Variants in MACROD2 observed in about 807,000 individuals in gnomAD.
MACROD2 encodes ADP-ribose glycohydrolase MACROD2.
A neutral mutation model predicts 70.4 loss-of-function variants in MACROD2; 36 were observed. That is an observed-to-expected ratio of 0.51 (90% CI 0.39 to 0.68). The LOEUF (loss-of-function observed/expected upper bound fraction) is 0.68, where lower values mean the gene tolerates loss of function less well. Among genes scored for constraint, MACROD2 ranks in the 30% least tolerant of loss-of-function variants. MACROD2 has a pLI of 0.00. For missense variants in MACROD2, 496 were observed against 538.4 expected, an observed-to-expected ratio of 0.92 and a Z score of 0.78; for synonymous variants, 172 against 178.8, an observed-to-expected ratio of 0.96 and a Z score of 0.30.
intron 8 of MACROD2, among the ~76,000 whole-genome samples, chr20:15,573,452 G>A (rs2048402305): frequency 6.6e-6 from 1 of 152,082 alleles, no homozygotes; most frequent in Non-Finnish European, 1.5e-5. Flanking sequence ...AATCAGCAAA[G>A]GTTTTTCTCT....
At chr20:14,336,111 A>G (rs2082931750) in intron 3 of MACROD2, among the ~76,000 whole-genome samples, 1 of 152,142 alleles carries the variant, frequency 6.6e-6, no homozygotes, top group Non-Finnish European at 1.5e-5. Flanking sequence ...CTTTATGTTT[A>G]GGCTGGTCAG....
At chr20:15,367,080 T>A (rs13037438) in intron 6 of MACROD2, among the ~76,000 whole-genome samples, 7,201 of 150,622 alleles carry the variant, frequency 0.048, 252 homozygotes, top group East Asian at 0.16. Context: ...CAGGCTGGAG[T>A]GCAGTGGCAT....
chr20:14,260,114 A>G (rs1432448784), intron 3 of MACROD2, among the ~76,000 whole-genome samples: 1 of 152,204 alleles, frequency 6.6e-6, no homozygotes, highest in Non-Finnish European at 1.5e-5. Context: ...AAACATGGAT[A>G]TTAGTAGAAA....
chr20:15,288,851 A>G (rs1320980631), intron 6 of MACROD2, among the ~76,000 whole-genome samples: 2 of 138,392 alleles, frequency 1.4e-5, no homozygotes, highest in Non-Finnish European at 3.1e-5. Flanking sequence ...CTGTCTCTCT[A>G]TATGTCTGTC....
In MACROD2 at chr20:15,494,008, T is replaced by C. The variant is rs567773253; in HGVS notation, c.572-5766T>C. 1.2e-3 allele frequency among the ~76,000 whole-genome samples: 185 copies of C among 152,358 alleles called. 1 individual carries two copies. Among genetic ancestry groups the C allele is most frequent in the African/African-American group, 4.2e-3 (174 of 41,600 alleles). The stretch of plus-strand genomic sequence containing the variant: ...CTTGATGGTCTGCTGACAGAATTGG[T>C]CCTTTCTTGGCTTAGGAACATCACT... On this transcript the variant is annotated intron_variant, in intron 7 of 17. Transcript: ENST00000684519.
intron 4 of MACROD2, among the ~76,000 whole-genome samples, chr20:14,628,236 A>G (rs1984298511): frequency 1.3e-5 from 2 of 152,196 alleles, no homozygotes; most frequent in Admixed American, 1.3e-4. Flanking sequence ...GAGTAACTTC[A>G]GGCAGGGGAG....
At chr20:15,796,946 A>T (rs2063679199) in intron 8 of MACROD2, among the ~76,000 whole-genome samples, 1 of 152,246 alleles carries the variant, frequency 6.6e-6, no homozygotes, top group South Asian at 2.1e-4. Flanking sequence ...AGTGTGTTTG[A>T]CTGCAATTAA....
chr20:14,471,127 C>T (rs2084525641), intron 3 of MACROD2, among the ~76,000 whole-genome samples: 2 of 152,158 alleles, frequency 1.3e-5, no homozygotes, highest in African/African-American at 4.8e-5. Flanking sequence ...GGCGGGAATG[C>T]ACTGTCCCTC....
intron 8 of MACROD2, among the ~76,000 whole-genome samples, chr20:15,818,052 C>T (rs1000947186): frequency 1.3e-5 from 2 of 152,166 alleles, no homozygotes; most frequent in African/African-American, 4.8e-5. Flanking sequence ...CAGGACTCAG[C>T]TTACATGTTT....
At chr20:15,526,679 T>G (rs1358423303) in intron 8 of MACROD2, among the ~76,000 whole-genome samples, 1 of 152,204 alleles carries the variant, frequency 6.6e-6, no homozygotes, top group Non-Finnish European at 1.5e-5. Context: ...CTAACTTGAT[T>G]TAGCCAGCAA....
At chr20:15,667,994 G>A (rs190788340) in intron 8 of MACROD2, among the ~76,000 whole-genome samples, 5 of 150,238 alleles carry the variant, frequency 3.3e-5, no homozygotes, top group East Asian at 4.0e-4. Flanking sequence ...GGCTCACACC[G>A]TGAGTGTGTA....
At chr20:14,133,710 T>C (rs77368786) in intron 3 of MACROD2, among the ~76,000 whole-genome samples, 1 of 152,214 alleles carries the variant, frequency 6.6e-6, no homozygotes, top group Non-Finnish European at 1.5e-5. Flanking sequence ...TTTGGCATGG[T>C]TTAAGGTCTT....
At chr20:15,307,522 A>G (rs1312755817) in intron 6 of MACROD2, among the ~76,000 whole-genome samples, 1 of 152,204 alleles carries the variant, frequency 6.6e-6, no homozygotes, top group Admixed American at 6.5e-5. Flanking sequence ...TGAGTTTAGT[A>G]AATGTCATTA....
chr20:15,285,071 T>G (rs2077478694), intron 6 of MACROD2, among the ~76,000 whole-genome samples: 1 of 151,992 alleles, frequency 6.6e-6, no homozygotes, highest in Non-Finnish European at 1.5e-5. Flanking sequence ...TTACAAAACT[T>G]GGAAATAGGT....
At chr20:15,819,768 A>C (rs1260383490) in intron 8 of MACROD2, among the ~76,000 whole-genome samples, 2 of 152,058 alleles carry the variant, frequency 1.3e-5, no homozygotes, top group African/African-American at 4.8e-5. Flanking sequence ...GGTTGGGAAG[A>C]GGGGGAGGAA....
At chr20:15,505,790 C>T (rs753510607) in intron 8 of MACROD2, among the ~76,000 whole-genome samples, 11 of 152,184 alleles carry the variant, frequency 7.2e-5, no homozygotes, top group Admixed American at 5.9e-4. Context: ...ATTTTCAAAA[C>T]CCAAATGGGT....
intron 3 of MACROD2, among the ~76,000 whole-genome samples, chr20:14,436,890 T>C (rs2084062283): frequency 1.3e-5 from 2 of 152,248 alleles, no homozygotes; most frequent in African/African-American, 4.8e-5. Context: ...TAACTCTTAG[T>C]AAGCACTCTG....
intron 2 of MACROD2, among the ~76,000 whole-genome samples, chr20:14,006,074 A>T (rs2052815000): frequency 6.6e-6 from 1 of 152,234 alleles, no homozygotes; most frequent in Non-Finnish European, 1.5e-5. Flanking sequence ...GTTTAAATAC[A>T]CAATGACTTA....
intron 5 of MACROD2, among the ~76,000 whole-genome samples, chr20:15,160,734 A>G (rs1378584160): frequency 6.6e-6 from 1 of 152,136 alleles, no homozygotes. Flanking sequence ...TTGATCTAAT[A>G]GTATTTTTTA....
Sources: allele counts gnomAD v4.1 joint callset (sites outside exome capture counted in the v4.1 genomes callset), GRCh38; gene constraint gnomAD v4.1.1; transcripts MANE v1.5; gene names NCBI Gene and HGNC (gene_info 2026-07-23, HGNC 2026-07-21).